RFX3: variants seen among roughly 807,000 people sequenced by gnomAD.
RFX3 encodes the protein regulatory factor X3, also known as transcription factor RFX3.
In RFX3, 14 loss-of-function variants were observed where a neutral mutation model predicts 98.6. That is an observed-to-expected ratio of 0.14 (90% CI 0.09 to 0.22). RFX3 has a LOEUF of 0.22. RFX3 is among the 10% of genes least tolerant of loss of function. The probability of loss-of-function intolerance (pLI) is 1.00; values close to 1 mark genes in which losing one functional copy is unlikely to be tolerated. For missense variants in RFX3, 639 were observed against 926.9 expected (o/e 0.69, Z 4.03); for synonymous variants, 383 against 328.4 (o/e 1.17, Z -1.80).
Position 3,501,351 on chromosome 9 carries a change from T to C in RFX3, c.-9+24396A>G, listed in dbSNP as rs562155883. Among the ~76,000 whole-genome samples, 6 of 152,210 alleles carry C rather than the reference T, an allele frequency of 3.9e-5. No individual in the cohort carries two copies. The South Asian group carries it at 1.2e-3, about 32-fold the overall frequency. On this transcript the variant is annotated intron_variant, in intron 1 of 16. Transcript: ENST00000617270. Reference sequence around the variant, plus strand: ...ATAAATAGAGTTGGTAAACAAGAACTTGACTTACAGGTTAGAATACTTTTC... The same window carrying C: ...ATAAATAGAGTTGGTAAACAAGAACCTGACTTACAGGTTAGAATACTTTTC...
rs150690240 is a variant in RFX3 at position 3,280,601 on chromosome 9, C to A, written c.852-3140G>T. ...CAAGAACAATCACATTAAAAACAGG[C>A]TAAACAAATACCAGTAGCAACTGAT... On this transcript the variant is annotated intron_variant, in intron 7 of 16. Transcript: ENST00000617270. Among the ~76,000 whole-genome samples the A allele has an allele frequency of 7.9e-5, 12 of 151,826 alleles. No homozygotes were observed. In the East Asian group the frequency reaches 2.1e-3, roughly 27 times the overall value.
intron 1 of RFX3, among the ~76,000 whole-genome samples, chr9:3,425,417 A>C (rs1031699317): frequency 3.9e-5 from 6 of 152,282 alleles, no homozygotes; most frequent in Middle Eastern, 6.8e-3. Context: ...GATTTGAAAA[A>C]CATTGTTCTT....
intron 1 of RFX3, among the ~76,000 whole-genome samples, chr9:3,519,159 T>C (rs1364634641): frequency 6.6e-6 from 1 of 152,182 alleles, no homozygotes; most frequent in East Asian, 1.9e-4. Context: ...TAGTTCTTAA[T>C]CTAAAATCCT....
chr9:3,334,080 C>G (rs952152377), intron 3 of RFX3, among the ~76,000 whole-genome samples: 1 of 152,044 alleles, frequency 6.6e-6, no homozygotes, highest in Admixed American at 6.6e-5. Context: ...AATGTATATT[C>G]TCAACCATTA....
At chr9:3,384,612 A>ACC (rs1839515745) in intron 2 of RFX3, among the ~76,000 whole-genome samples, 1 of 152,222 alleles carries the variant, frequency 6.6e-6, no homozygotes, top group Non-Finnish European at 1.5e-5. Flanking sequence ...AGCTTCTATT[A>ACC]CTATGATCCA....
At chr9:3,475,356 G>C (rs139048194) in intron 1 of RFX3, among the ~76,000 whole-genome samples, 2 of 151,514 alleles carry the variant, frequency 1.3e-5, no homozygotes, top group East Asian at 2.0e-4. Context: ...CGCAGAGACC[G>C]GTAGTGGCCC....
chr9:3,321,202 C>T (rs1004511103), intron 4 of RFX3, among the ~76,000 whole-genome samples: 4 of 152,140 alleles, frequency 2.6e-5, no homozygotes, highest in South Asian at 2.1e-4. Flanking sequence ...CCGCCCCCGA[C>T]CCCAATCTTT....
At chr9:3,236,626 T>G (rs1390144106) in intron 15 of RFX3, among the ~76,000 whole-genome samples, 1 of 152,198 alleles carries the variant, frequency 6.6e-6, no homozygotes, top group East Asian at 1.9e-4. Context: ...GCCAAGGTGC[T>G]GGCATGTTAT....
chr9:3,509,631 C>A (rs1817467965), intron 1 of RFX3, among the ~76,000 whole-genome samples: 1 of 151,822 alleles, frequency 6.6e-6, no homozygotes, highest in Admixed American at 6.6e-5. Flanking sequence ...TAAAAATAAT[C>A]CATATACCAA....
chr9:3,472,141 G>A (rs943391485), intron 1 of RFX3, among the ~76,000 whole-genome samples: 1 of 152,168 alleles, frequency 6.6e-6, no homozygotes, highest in African/African-American at 2.4e-5. Flanking sequence ...TGTTTAGAAA[G>A]GTCACTGTTG....
chr9:3,507,520 G>A (rs1468238447), intron 1 of RFX3, among the ~76,000 whole-genome samples: 1 of 151,848 alleles, frequency 6.6e-6, no homozygotes, highest in Admixed American at 6.6e-5. Context: ...GTCAGTGGCA[G>A]AGCTCGAATT....
intron 1 of RFX3, among the ~76,000 whole-genome samples, chr9:3,488,530 C>T (rs968339980): frequency 1.3e-5 from 2 of 152,112 alleles, no homozygotes; most frequent in Non-Finnish European, 2.9e-5. Context: ...TATAATAAAA[C>T]TGTAATTATT....
chr9:3,386,329 T>C (rs1839712838), intron 2 of RFX3, among the ~76,000 whole-genome samples: 1 of 151,978 alleles, frequency 6.6e-6, no homozygotes, highest in Non-Finnish European at 1.5e-5. Flanking sequence ...AAAATAATAA[T>C]AGTAAAAAAT....
At chr9:3,514,406 A>G (rs1204524636) in intron 1 of RFX3, among the ~76,000 whole-genome samples, 2 of 151,756 alleles carry the variant, frequency 1.3e-5, no homozygotes, top group Non-Finnish European at 2.9e-5. Flanking sequence ...TATCTACTAC[A>G]CTCTAATTGA....
chr9:3,274,940 G>A (rs1277935411), intron 9 of RFX3, among the ~76,000 whole-genome samples: 1 of 151,620 alleles, frequency 6.6e-6, no homozygotes. Context: ...AAACACACAT[G>A]TTATTTTTCA....
chr9:3,363,796 G>A (rs1021714550), intron 2 of RFX3, among the ~76,000 whole-genome samples: 4 of 152,168 alleles, frequency 2.6e-5, no homozygotes, highest in African/African-American at 9.7e-5. Flanking sequence ...CAATACCAGT[G>A]TTTCCCCAAA....
At chr9:3,410,693 G>A (rs527480417) in intron 1 of RFX3, among the ~76,000 whole-genome samples, 28 of 152,264 alleles carry the variant, frequency 1.8e-4, no homozygotes, top group African/African-American at 6.0e-4. Flanking sequence ...GTTTTAGATG[G>A]CAGGTTTACA....
intron 2 of RFX3, among the ~76,000 whole-genome samples, chr9:3,391,176 T>C (rs373181923): frequency 2.0e-5 from 3 of 152,102 alleles, no homozygotes; most frequent in South Asian, 2.1e-4. Context: ...AAACCCAAGA[T>C]AATAGCAGCA....
chr9:3,339,466 A>T (rs1833612442), intron 3 of RFX3, among the ~76,000 whole-genome samples: 1 of 152,252 alleles, frequency 6.6e-6, no homozygotes, highest in African/African-American at 2.4e-5. Flanking sequence ...CAAAACAAAT[A>T]AGAAAGCTGT....
Sources: allele counts gnomAD v4.1 joint callset (sites outside exome capture counted in the v4.1 genomes callset), GRCh38; gene constraint gnomAD v4.1.1; transcripts MANE v1.5; gene names NCBI Gene and HGNC (gene_info 2026-07-23, HGNC 2026-07-21).